ARHGEF10L: variants seen among roughly 807,000 people sequenced by gnomAD.
The protein encoded by ARHGEF10L is rho guanine nucleotide exchange factor 10-like protein.
ARHGEF10L carries 69 observed loss-of-function variants against 141.2 expected under a neutral mutation model. The observed-to-expected ratio is 0.49, with a 90% CI of 0.40 to 0.60. The LOEUF is 0.60. Ranked by LOEUF, ARHGEF10L falls within the 20% of genes least tolerant of loss-of-function variation. The pLI, the probability that ARHGEF10L is intolerant of heterozygous loss-of-function variation, is 0.00. For missense variants in ARHGEF10L, 1,482 were observed against 1,734.3 expected (o/e 0.85, Z 2.58); for synonymous variants, 711 against 718.5 (o/e 0.99, Z 0.17).
At chr1:17,691,956 C>T (rs1007047501) in intron 27 of ARHGEF10L, among the ~76,000 whole-genome samples, 11 of 152,134 alleles carry the variant, frequency 7.2e-5, no homozygotes, top group Admixed American at 5.2e-4. Flanking sequence ...TAAGTCACTG[C>T]CCTCACAAAG....
Position 17,638,011 on chromosome 1 carries a change from G to T in ARHGEF10L, c.2043+8G>T. 1 of 1,569,232 alleles carries T rather than the reference G, an allele frequency of 6.4e-7. No individual in the cohort carries two copies. Among genetic ancestry groups the T allele is most frequent in the Non-Finnish European group, 8.6e-7 (1 of 1,156,338 alleles). ...CTGCACGGCACCTACCAGGTACGTG[G>T]CCTGGCCTGACCTTTTTGGCCTGAG... On this transcript the variant is annotated splice_region_variant and intron_variant, in intron 19 of 28. Coordinates refer to ENST00000361221, the MANE Select transcript of ARHGEF10L (RefSeq NM_018125.4).
At chr1:17,534,842 G>C (rs1441148725), upstream of ARHGEF10L, among the ~76,000 whole-genome samples, 1 of 151,988 alleles carries the variant, frequency 6.6e-6, no homozygotes, top group African/African-American at 2.4e-5. Context: ...ATCTGCCTTG[G>C]CATCCTAAAG....
chr1:17,520,085 C>A, the ARHGEF10L span, among the ~76,000 whole-genome samples: 1 of 152,168 alleles, frequency 6.6e-6, no homozygotes, highest in Non-Finnish European at 1.5e-5. Flanking sequence ...CTACTTGGCA[C>A]CCCCCTCTGG....
At chr1:17,564,436 G>A (rs2077668276) in intron 1 of ARHGEF10L, among the ~76,000 whole-genome samples, 1 of 152,186 alleles carries the variant, frequency 6.6e-6, no homozygotes, top group Admixed American at 6.5e-5. Flanking sequence ...CTGATGTGCT[G>A]TCCCACTGGG....
chr1:17,668,875 A>G (rs2063144484), intron 26 of ARHGEF10L, among the ~76,000 whole-genome samples: 1 of 152,194 alleles, frequency 6.6e-6, no homozygotes, highest in African/African-American at 2.4e-5. Flanking sequence ...GGAGATCTGG[A>G]AATGGCTCCG....
chr1:17,640,425 G>A (rs1397450538), intron 21 of ARHGEF10L, 123 bp downstream of exon 21: 30 of 792,088 alleles, frequency 3.8e-5, no homozygotes, highest in Non-Finnish European at 5.7e-5. Context: ...TTCTGAGTGG[G>A]AGGGAGGTGG....
chr1:17,582,628 C>G (rs2078673277), intron 2 of ARHGEF10L, among the ~76,000 whole-genome samples: 1 of 152,240 alleles, frequency 6.6e-6, no homozygotes, highest in Non-Finnish European at 1.5e-5. Context: ...TTAGTTGGAG[C>G]TTGTCAGGCC....
rs946213197 is a variant in ARHGEF10L, at chr1:17,658,763, C to T, written c.2860+2055C>T. On this transcript the variant is annotated intron_variant, in intron 25 of 28. Transcript: ENST00000361221. ...AGAAGTATAAGACTGTACATGATGC[C>T]GAGGGCTCCGACGGAAAGGAAAGAG... Among the ~76,000 whole-genome samples, 14 of 151,524 alleles carry T rather than the reference C, an allele frequency of 9.2e-5. 1 individual carries two copies. The highest frequency in any genetic ancestry group is 4.2e-4 in the South Asian group (2 of 4,814).
intron 19 of ARHGEF10L, 73 bp downstream of exon 19, chr1:17,638,076 T>C: frequency 7.3e-7 from 1 of 1,363,100 alleles, no homozygotes; most frequent in Non-Finnish European, 1.0e-6. Flanking sequence ...GAAAGCTGAG[T>C]AGGGAGGGGC....
At position 17,638,702 on chromosome 1, in the gene ARHGEF10L, G is replaced by T. The variant is rs745735824; in HGVS notation, c.2171+13G>T. On this transcript the variant is annotated intron_variant, in intron 20 of 28. Coordinates refer to ENST00000361221, the MANE Select transcript of ARHGEF10L (RefSeq NM_018125.4). The stretch of plus-strand genomic sequence containing the variant: ...GGAAACCCGACAAGTGAGAGGAGGG[G>T]GTCTTGGAGGGAGGGCTGCTGCCTC... 2 of 1,613,444 alleles carry T rather than the reference G, an allele frequency of 1.2e-6. No individual in the cohort carries two copies. The highest frequency in any genetic ancestry group is 1.7e-5 in the Admixed American group (1 of 60,000).
Position 17,607,094 on chromosome 1 carries a change from C to T in ARHGEF10L, c.434-708C>T, listed in dbSNP as rs188796170. On this transcript the variant is annotated intron_variant, in intron 6 of 28. Coordinates refer to ENST00000361221, the MANE Select transcript of ARHGEF10L (RefSeq NM_018125.4). The surrounding 1 kb of genome is among the most constrained non-coding windows in gnomAD (Gnocchi z 4.5). Reference sequence around the variant, plus strand: ...GGGGTGAGGAGCCCTGAGGCCCCAACAATCTCTGTTTCATTCCTGAGGATG... The same window carrying T: ...GGGGTGAGGAGCCCTGAGGCCCCAATAATCTCTGTTTCATTCCTGAGGATG... 1.2e-3 allele frequency among the ~76,000 whole-genome samples: 185 copies of T among 152,350 alleles called. No individual in the cohort carries two copies. The highest frequency in any genetic ancestry group is 3.4e-3 in the Middle Eastern group (1 of 294).
At chr1:17,534,689 A>G in the ARHGEF10L span, among the ~76,000 whole-genome samples, 2 of 150,744 alleles carry the variant, frequency 1.3e-5, no homozygotes, top group African/African-American at 4.9e-5. Flanking sequence ...TCCTGGGTTC[A>G]AGTGATTCTC....
chr1:17,645,089 A>G (rs1359836861), intron 21 of ARHGEF10L, among the ~76,000 whole-genome samples: 2 of 152,080 alleles, frequency 1.3e-5, no homozygotes, highest in East Asian at 1.9e-4. Context: ...TCCCATGGGG[A>G]GCTCTCATGC....
the ARHGEF10L span, among the ~76,000 whole-genome samples, chr1:17,522,087 G>A: frequency 4.6e-5 from 7 of 152,132 alleles, no homozygotes; most frequent in African/African-American, 1.7e-4. Flanking sequence ...CGATACCACT[G>A]TCAGGGTTTC....
intron 1 of ARHGEF10L, among the ~76,000 whole-genome samples, chr1:17,547,277 C>G (rs1570389105): frequency 1.3e-5 from 2 of 152,248 alleles, no homozygotes; most frequent in Non-Finnish European, 2.9e-5. Flanking sequence ...ACACCACCTT[C>G]TTGCAGATAC....
At chr1:17,686,310 G>C (rs2064592080) in intron 26 of ARHGEF10L, among the ~76,000 whole-genome samples, 1 of 152,092 alleles carries the variant, frequency 6.6e-6, no homozygotes, top group African/African-American at 2.4e-5. Context: ...TAGAATTCAA[G>C]TGTCCATCCA....
the ARHGEF10L span, among the ~76,000 whole-genome samples, chr1:17,525,088 T>C: frequency 6.6e-6 from 1 of 152,152 alleles, no homozygotes; most frequent in Non-Finnish European, 1.5e-5. Flanking sequence ...CGGACCACAC[T>C]GTGACCTGCT....
At chr1:17,646,782 G>A (rs543426252) in intron 21 of ARHGEF10L, among the ~76,000 whole-genome samples, 2 of 152,196 alleles carry the variant, frequency 1.3e-5, no homozygotes, top group Admixed American at 6.5e-5. Flanking sequence ...TCCGGACAGC[G>A]GGAACCTCTG....
chr1:17,627,263 GC>G lies in ARHGEF10L; in HGVS notation c.1411-66del. On this transcript the variant is annotated intron_variant, in intron 14 of 28. Transcript: ENST00000361221. This position sits in a 1 kb window ranked among gnomAD's most constrained non-coding sequence, Gnocchi z 4.0. ...TGTGTAGGGGGTTGCGCAGGGTGAG[GC>G]TTTGCCCCAGGCTGGGGTAGAGTTG... 1 of 1,572,858 alleles carries G rather than the reference GC, an allele frequency of 6.4e-7. No individual in the cohort carries two copies.
Sources: allele counts gnomAD v4.1 joint callset (sites outside exome capture counted in the v4.1 genomes callset), GRCh38; gene constraint gnomAD v4.1.1; non-coding constraint Gnocchi (gnomAD v3.1); transcripts MANE v1.5; gene names NCBI Gene and HGNC (gene_info 2026-07-23, HGNC 2026-07-21).